The following FTO variants were observed in gnomAD, a reference collection of about 807,000 sequenced individuals.
FTO encodes the protein alpha-ketoglutarate-dependent dioxygenase FTO.
In FTO, 47 loss-of-function variants were observed where a neutral mutation model predicts 63.9. That is an observed-to-expected ratio of 0.74 (90% CI 0.58 to 0.94). The LOEUF (loss-of-function observed/expected upper bound fraction) is 0.94. Ranked by LOEUF, FTO falls within the 40% of genes least tolerant of loss-of-function variation. The pLI is 0.00. For missense variants in FTO, 562 were observed against 618.1 expected, an observed-to-expected ratio of 0.91 and a Z score of 0.96; for synonymous variants, 207 against 224.4, an observed-to-expected ratio of 0.92 and a Z score of 0.69.
chr16:53,704,689 A>G (rs1238339084), intron 1 of FTO, among the ~76,000 whole-genome samples: 1 of 152,152 alleles, frequency 6.6e-6, no homozygotes, highest in Non-Finnish European at 1.5e-5. Context: ...AGCGCTGTGG[A>G]TATGAATCTT....
chr16:54,034,937 C>A (rs550565666), intron 8 of FTO, among the ~76,000 whole-genome samples: 1 of 152,182 alleles, frequency 6.6e-6, no homozygotes, highest in East Asian at 1.9e-4. Flanking sequence ...GAAAGTGCAT[C>A]CCTTCCAAAC....
chr16:53,977,414 T>C (rs1196867235), intron 8 of FTO, among the ~76,000 whole-genome samples: 2 of 152,198 alleles, frequency 1.3e-5, no homozygotes, highest in African/African-American at 4.8e-5. Flanking sequence ...GGTGATATTT[T>C]TCTATAGCAG....
chr16:54,046,205 A>G, intron 8 of FTO, among the ~76,000 whole-genome samples: 1 of 93,294 alleles, frequency 1.1e-5, no homozygotes, highest in East Asian at 3.6e-4. Context: ...GTTTATCTAG[A>G]AAACCCCATC....
At chr16:53,914,100 C>G (rs1598978092) in intron 7 of FTO, among the ~76,000 whole-genome samples, 1 of 152,108 alleles carries the variant, frequency 6.6e-6, no homozygotes, top group African/African-American at 2.4e-5. Flanking sequence ...CAGGGACTCT[C>G]TTATTTGTGG....
At chr16:54,100,765 A>G (rs2086623175) in intron 8 of FTO, among the ~76,000 whole-genome samples, 1 of 152,204 alleles carries the variant, frequency 6.6e-6, no homozygotes, top group African/African-American at 2.4e-5. Context: ...AATCTCTCCC[A>G]TGTCAACAAA....
At chr16:53,814,501 G>A (rs2078619472) in intron 2 of FTO, among the ~76,000 whole-genome samples, 1 of 152,096 alleles carries the variant, frequency 6.6e-6, no homozygotes, top group African/African-American at 2.4e-5. Flanking sequence ...GGAAACCGAG[G>A]GACAGAGAGG....
chr16:53,828,290 A>G (rs1341615550), intron 3 of FTO, among the ~76,000 whole-genome samples: 7 of 151,528 alleles, frequency 4.6e-5, no homozygotes, highest in Admixed American at 3.3e-4. Flanking sequence ...TGCGATCTCC[A>G]CTCACTGCAA....
At chr16:53,714,291 G>C (rs1217020023) in intron 1 of FTO, among the ~76,000 whole-genome samples, 1 of 152,130 alleles carries the variant, frequency 6.6e-6, no homozygotes, top group Admixed American at 6.5e-5. Context: ...ATCATTCAAG[G>C]CTGAGCCTCA....
chr16:54,101,727 C>T (rs777147539), intron 8 of FTO, among the ~76,000 whole-genome samples: 1 of 152,166 alleles, frequency 6.6e-6, no homozygotes, highest in Non-Finnish European at 1.5e-5. Context: ...TTAGCTCTTT[C>T]GGGAATTGCT....
intron 1 of FTO, among the ~76,000 whole-genome samples, chr16:53,749,183 A>G (rs2076720470): frequency 6.6e-6 from 1 of 152,200 alleles, no homozygotes; most frequent in Non-Finnish European, 1.5e-5. Flanking sequence ...GCTTAATTGT[A>G]TTCATTTATT....
intron 8 of FTO, among the ~76,000 whole-genome samples, chr16:53,961,269 C>A (rs1478420015): frequency 6.6e-6 from 1 of 152,106 alleles, no homozygotes; most frequent in Non-Finnish European, 1.5e-5. Context: ...ATTAAACTGT[C>A]GCAGGCTGCC....
chr16:54,048,289 G>C (rs1168153246), intron 8 of FTO, among the ~76,000 whole-genome samples: 1 of 147,278 alleles, frequency 6.8e-6, no homozygotes, highest in African/African-American at 2.5e-5. Flanking sequence ...TAAGATTTGA[G>C]TTGCTTGGGT....
At chr16:53,847,513 A>G (rs2079661107) in intron 4 of FTO, among the ~76,000 whole-genome samples, 1 of 152,122 alleles carries the variant, frequency 6.6e-6, no homozygotes, top group Admixed American at 6.5e-5. Flanking sequence ...CACACCTGTA[A>G]TCCCTGCACT....
chr16:53,736,666 A>T (rs16952479), intron 1 of FTO, among the ~76,000 whole-genome samples: 7,438 of 152,148 alleles, frequency 0.049, 227 homozygotes, highest in South Asian at 0.11. Flanking sequence ...TTTCTGTTTC[A>T]CATTGCTGAC....
intron 8 of FTO, among the ~76,000 whole-genome samples, chr16:53,958,903 A>G (rs1345494462): frequency 6.6e-6 from 1 of 152,216 alleles, no homozygotes; most frequent in South Asian, 2.1e-4. Flanking sequence ...TGAATAAGAC[A>G]GGGTCTCTGC....
intron 8 of FTO, among the ~76,000 whole-genome samples, chr16:53,999,285 A>G (rs1274836017): frequency 3.3e-5 from 5 of 152,268 alleles, no homozygotes; most frequent in Non-Finnish European, 7.3e-5. Context: ...CAGGATTTAT[A>G]TGTGCTGGTA....
At chr16:53,870,559 C>G (rs2080465596) in intron 4 of FTO, among the ~76,000 whole-genome samples, 1 of 152,178 alleles carries the variant, frequency 6.6e-6, no homozygotes, top group Admixed American at 6.5e-5. Context: ...AATTACATCT[C>G]ATTGAAAGCC....
intron 3 of FTO, among the ~76,000 whole-genome samples, chr16:53,832,977 G>T (rs1490376250): frequency 6.6e-6 from 1 of 152,152 alleles, no homozygotes; most frequent in Admixed American, 6.5e-5. Context: ...ATATGGTTCA[G>T]CTGTGTCCCT....
chr16:53,956,290 C>G (rs758516718), intron 8 of FTO, among the ~76,000 whole-genome samples: 2 of 152,078 alleles, frequency 1.3e-5, no homozygotes, highest in Non-Finnish European at 2.9e-5. Flanking sequence ...CGTTGATATG[C>G]TAAATGTCAG....
Sources: gnomAD v4.1 joint callset for allele counts (sites outside exome capture counted in the v4.1 genomes callset) on GRCh38, gnomAD v4.1.1 for gene constraint, MANE v1.5 for transcripts, NCBI Gene and HGNC (gene_info 2026-07-23, HGNC 2026-07-21) for gene names.